DGKB: variants seen among roughly 807,000 people sequenced by gnomAD.
DGKB encodes the protein diacylglycerol kinase beta, also known as 90 kDa diacylglycerol kinase.
In DGKB, 67 loss-of-function variants were observed where a neutral mutation model predicts 114.3. The observed-to-expected ratio is 0.59, with a 90% confidence interval of 0.48 to 0.72. DGKB has a LOEUF of 0.72. Among genes scored for constraint, DGKB ranks in the 30% least tolerant of loss-of-function variants. The pLI is 0.00. For missense variants in DGKB, 907 were observed against 975.2 expected, an observed-to-expected ratio of 0.93 and a Z score of 0.93; for synonymous variants, 398 against 323.1, an observed-to-expected ratio of 1.23 and a Z score of -2.49.
At chr7:14,194,258 T>C (rs920097029) in intron 23 of DGKB, among the ~76,000 whole-genome samples, 9 of 152,196 alleles carry the variant, frequency 5.9e-5, no homozygotes, top group African/African-American at 2.2e-4. Flanking sequence ...TCTCAACTTC[T>C]GTAGCACTAT....
chr7:14,944,129 C>T (rs1028660403), intron 1 of DGKB, among the ~76,000 whole-genome samples: 2 of 151,834 alleles, frequency 1.3e-5, no homozygotes, highest in Non-Finnish European at 2.9e-5. Flanking sequence ...ATCCCAATAC[C>T]TTACATACAG....
At chr7:14,889,392 G>A (rs1278946592) in intron 1 of DGKB, among the ~76,000 whole-genome samples, 2 of 151,656 alleles carry the variant, frequency 1.3e-5, no homozygotes. Flanking sequence ...CCCCTTTAGG[G>A]GAGCTTCTTG....
intron 23 of DGKB, among the ~76,000 whole-genome samples, chr7:14,204,497 T>G (rs1786429590): frequency 1.3e-5 from 2 of 152,026 alleles, no homozygotes; most frequent in Admixed American, 1.3e-4. Flanking sequence ...ATCCATTAGA[T>G]GAGACCACCT....
At chr7:14,271,226 T>C (rs575975733) in intron 23 of DGKB, among the ~76,000 whole-genome samples, 3 of 152,316 alleles carry the variant, frequency 2.0e-5, no homozygotes, top group Admixed American at 6.5e-5. Context: ...AACAGAAATC[T>C]GAACTTCCAT....
chr7:14,795,237 A>G (rs1380280670), intron 2 of DGKB, among the ~76,000 whole-genome samples: 2 of 152,230 alleles, frequency 1.3e-5, no homozygotes, highest in Non-Finnish European at 2.9e-5. Flanking sequence ...ATGTTGGATC[A>G]GGCTGAATTT....
intron 23 of DGKB, among the ~76,000 whole-genome samples, chr7:14,311,265 A>T (rs1805351489): frequency 6.6e-6 from 1 of 152,164 alleles, no homozygotes; most frequent in Non-Finnish European, 1.5e-5. Context: ...TCACGGTGTA[A>T]TCACTGGGTC....
chr7:14,756,705 T>C (rs1041480822), intron 3 of DGKB, among the ~76,000 whole-genome samples: 3 of 151,582 alleles, frequency 2.0e-5, no homozygotes, highest in Non-Finnish European at 4.4e-5. Context: ...GGAAGTACAA[T>C]ATTGAAAGAT....
At chr7:14,648,141 C>A (rs1258758218) in intron 13 of DGKB, among the ~76,000 whole-genome samples, 6 of 152,218 alleles carry the variant, frequency 3.9e-5, no homozygotes, top group Non-Finnish European at 8.8e-5. Flanking sequence ...GTGGAGCCCA[C>A]CACAGCTCAA....
intron 1 of DGKB, among the ~76,000 whole-genome samples, chr7:14,923,380 T>C (rs1784601964): frequency 6.6e-6 from 1 of 152,210 alleles, no homozygotes; most frequent in Non-Finnish European, 1.5e-5. Flanking sequence ...TTTATTTTTA[T>C]GAGATTGTCT....
chr7:14,417,861 T>TA (rs1450595055), intron 21 of DGKB, among the ~76,000 whole-genome samples: 1 of 151,620 alleles, frequency 6.6e-6, no homozygotes, highest in Non-Finnish European at 1.5e-5. Context: ...TACCTTGCAG[T>TA]AAAAAAGGAG....
At chr7:14,917,445 A>T (rs1002465801) in intron 1 of DGKB, among the ~76,000 whole-genome samples, 2 of 152,144 alleles carry the variant, frequency 1.3e-5, no homozygotes, top group South Asian at 4.1e-4. Flanking sequence ...AATAGAGGTC[A>T]TCACTGATCC....
intron 1 of DGKB, among the ~76,000 whole-genome samples, chr7:14,964,034 A>C (rs1015157166): frequency 6.6e-6 from 1 of 152,162 alleles, no homozygotes; most frequent in Non-Finnish European, 1.5e-5. Flanking sequence ...TATTTATAAG[A>C]AAAAGTGTGG....
chr7:14,923,853 G>T (rs557033951), intron 1 of DGKB, among the ~76,000 whole-genome samples: 2 of 151,792 alleles, frequency 1.3e-5, no homozygotes, highest in African/African-American at 4.9e-5. Flanking sequence ...AAATTAGCCG[G>T]GTGTGGTGGT....
chr7:14,263,353 AATG>A (rs1797038874), intron 23 of DGKB, among the ~76,000 whole-genome samples: 1 of 152,178 alleles, frequency 6.6e-6, no homozygotes, highest in African/African-American at 2.4e-5. Flanking sequence ...GTGGATACAT[AATG>A]ATGAGATGAA....
intron 1 of DGKB, among the ~76,000 whole-genome samples, chr7:14,972,996 A>G (rs972981256): frequency 5.3e-5 from 8 of 152,058 alleles, no homozygotes; most frequent in African/African-American, 1.9e-4. Flanking sequence ...AAAATAGGTT[A>G]GATGGATGGT....
chr7:14,222,767 G>A (rs1003883885), intron 23 of DGKB, among the ~76,000 whole-genome samples: 2 of 151,402 alleles, frequency 1.3e-5, no homozygotes. Flanking sequence ...GAAGTCTCCA[G>A]TTATTACTGA....
At chr7:14,246,786 C>G (rs55828451) in intron 23 of DGKB, among the ~76,000 whole-genome samples, 1 of 151,988 alleles carries the variant, frequency 6.6e-6, no homozygotes. Context: ...AACATATCAT[C>G]TCACATTGTT....
At chr7:14,334,718 C>G (rs1810374102) in intron 23 of DGKB, among the ~76,000 whole-genome samples, 1 of 151,934 alleles carries the variant, frequency 6.6e-6, no homozygotes, top group African/African-American at 2.4e-5. Flanking sequence ...CTACTTTCAT[C>G]TGCAATCAGT....
Position 14,596,634 on chromosome 7 carries a change from C to T in DGKB, c.1433+10800G>A, listed in dbSNP as rs529891735. On this transcript the variant is annotated intron_variant, in intron 17 of 25. Coordinates refer to ENST00000402815, the MANE Select transcript of DGKB (RefSeq NM_001350709.2). ...CCTCTTTTAGTCAGATCCTAAAATG[C>T]TCATGCTCATTCCAATGCTACTAGT... Among the ~76,000 whole-genome samples the T allele has an allele frequency of 2.5e-3, 382 of 152,288 alleles. 1 individual carries two copies. The highest frequency in any genetic ancestry group is 4.3e-3 in the Non-Finnish European group (293 of 68,016).
Sources: gnomAD v4.1 joint callset for allele counts (sites outside exome capture counted in the v4.1 genomes callset) on GRCh38, gnomAD v4.1.1 for gene constraint, MANE v1.5 for transcripts, NCBI Gene and HGNC (gene_info 2026-07-23, HGNC 2026-07-21) for gene names.